Variants in OLFM2 observed in about 807,000 individuals in gnomAD.
The protein encoded by OLFM2 is noelin-2.
Under a neutral mutation model 43.9 loss-of-function variants are expected in OLFM2, and 20 were observed. That is an observed-to-expected ratio of 0.46 (90% CI 0.32 to 0.66). The LOEUF is 0.66. OLFM2 is among the 30% of genes least tolerant of loss of function. The pLI, the probability that OLFM2 is intolerant of heterozygous loss-of-function variation, is 0.04. For missense variants in OLFM2, 416 were observed against 643.6 expected (o/e 0.65, Z 3.83); for synonymous variants, 268 against 278.6 (o/e 0.96, Z 0.38).
chr19:9,858,758 C>CT (rs2046343913), intron 2 of OLFM2, among the ~76,000 whole-genome samples: 1 of 152,136 alleles, frequency 6.6e-6, no homozygotes, highest in Non-Finnish European at 1.5e-5. Context: ...TCCCATCTGA[C>CT]TAAGGTGAAC....
At chr19:9,893,574 G>T (rs1392501850) in intron 1 of OLFM2, among the ~76,000 whole-genome samples, 1 of 152,104 alleles carries the variant, frequency 6.6e-6, no homozygotes, top group East Asian at 1.9e-4. Flanking sequence ...TCAGTACCTG[G>T]GTACACCCTG....
intron 1 of OLFM2, among the ~76,000 whole-genome samples, chr19:9,907,726 G>A (rs1315795579): frequency 6.6e-6 from 1 of 151,934 alleles, no homozygotes; most frequent in African/African-American, 2.4e-5. Context: ...GATATAGGCC[G>A]GGCATGGTGG....
intron 2 of OLFM2, among the ~76,000 whole-genome samples, chr19:9,860,310 T>G (rs2046357177): frequency 1.3e-5 from 2 of 151,844 alleles, no homozygotes; most frequent in Admixed American, 1.3e-4. Flanking sequence ...AGACCCCGTC[T>G]CCACAAAAAA....
At chr19:9,871,573 CAAAA>C (rs34941045) in intron 1 of OLFM2, among the ~76,000 whole-genome samples, 30 of 121,466 alleles carry the variant, frequency 2.5e-4, no homozygotes, top group Middle Eastern at 4.3e-3. Context: ...ACTCTGCTCT[CAAAA>C]AAAAAAAAAA....
chr19:9,930,615 C>T (rs956332917), intron 1 of OLFM2, among the ~76,000 whole-genome samples: 11 of 151,532 alleles, frequency 7.3e-5, no homozygotes, highest in Non-Finnish European at 1.5e-5. Flanking sequence ...GAGGCCAAGG[C>T]GGGCAGATCA....
intron 1 of OLFM2, among the ~76,000 whole-genome samples, chr19:9,924,137 G>A (rs1393493609): frequency 7.8e-5 from 11 of 140,760 alleles, no homozygotes; most frequent in Admixed American, 2.9e-4. Context: ...AAGCCCGGGC[G>A]CAGTGGCTCA....
intron 1 of OLFM2, among the ~76,000 whole-genome samples, chr19:9,896,242 A>G (rs935635680): frequency 4.6e-5 from 7 of 150,650 alleles, no homozygotes; most frequent in African/African-American, 1.7e-4. Context: ...CTGGGACTAC[A>G]GGCGCCCGCC....
intron 1 of OLFM2, among the ~76,000 whole-genome samples, chr19:9,895,582 T>C (rs1218508173): frequency 6.6e-6 from 1 of 152,112 alleles, no homozygotes; most frequent in African/African-American, 2.4e-5. Flanking sequence ...ATCTACCTTT[T>C]TTCTTGCTAG....
chr19:9,910,763 G>T (rs1416487390), intron 1 of OLFM2, among the ~76,000 whole-genome samples: 1 of 152,130 alleles, frequency 6.6e-6, no homozygotes, highest in Non-Finnish European at 1.5e-5. Flanking sequence ...AGAGACAAAT[G>T]ATGCATCATG....
intron 1 of OLFM2, among the ~76,000 whole-genome samples, chr19:9,896,220 C>T (rs549206205): frequency 4.1e-4 from 61 of 150,582 alleles, no homozygotes; most frequent in Admixed American, 1.4e-3. Flanking sequence ...CCTGCCTCAG[C>T]CTCCCGAGTA....
At position 9,860,708 on chromosome 19, in the gene OLFM2, G is replaced by A. The variant is rs1323275897; in HGVS notation, c.150C>T (p.Ile50=). The part of the protein sequence containing the change: ...PDGKCICTAV[I]PAQSTCSRDG... ...CTCGAGAGCAGGTACTCTGCGCTGG[G>A]ATCACGGCCGTGCAGATGCATTTCC... is the stretch of plus-strand genomic sequence containing the variant. Residue 50 remains isoleucine, a synonymous_variant, in exon 2 of 6, where the codon ATC becomes ATT. Coordinates refer to ENST00000264833, the MANE Select transcript of OLFM2 (RefSeq NM_058164.4). 1 of 1,605,956 alleles carries A rather than the reference G, an allele frequency of 6.2e-7. No homozygotes were observed. The highest frequency in any genetic ancestry group is 8.5e-7 in the Non-Finnish European group (1 of 1,176,360).
At chr19:9,879,367 G>A (rs1355016520) in intron 1 of OLFM2, among the ~76,000 whole-genome samples, 1 of 150,902 alleles carries the variant, frequency 6.6e-6, no homozygotes, top group Non-Finnish European at 1.5e-5. Flanking sequence ...CCCAATCTCA[G>A]GTGATCTGCC....
intron 1 of OLFM2, among the ~76,000 whole-genome samples, chr19:9,919,340 A>T (rs1018538023): frequency 2.0e-5 from 3 of 151,524 alleles, no homozygotes; most frequent in Non-Finnish European, 2.9e-5. Context: ...AGAATTTTTT[A>T]TATTTTTAGT....
intron 1 of OLFM2, among the ~76,000 whole-genome samples, chr19:9,927,325 C>G (rs368037961): frequency 2.0e-5 from 3 of 151,958 alleles, no homozygotes; most frequent in Non-Finnish European, 2.9e-5. Flanking sequence ...ATTCTAAAAT[C>G]CTTAACCCAG....
intron 1 of OLFM2, among the ~76,000 whole-genome samples, chr19:9,889,347 C>T (rs1599482780): frequency 6.6e-6 from 1 of 152,192 alleles, no homozygotes; most frequent in East Asian, 1.9e-4. Flanking sequence ...CTCCCAGGCT[C>T]AAGCAATCCT....
intron 1 of OLFM2, among the ~76,000 whole-genome samples, chr19:9,914,784 C>T (rs1474823015): frequency 2.0e-5 from 3 of 152,020 alleles, no homozygotes; most frequent in African/African-American, 7.2e-5. Flanking sequence ...GAGCGCCGGG[C>T]TAGTTTTAAT....
chr19:9,857,211 G>A lies in OLFM2; in HGVS notation c.580+52C>T, dbSNP rs974738297. 3.5e-5 allele frequency: 53 copies of A among 1,521,402 alleles called. No individual in the cohort carries two copies. The highest frequency in any genetic ancestry group is 1.7e-5 in the Admixed American group (1 of 59,826). The allele number at this position is 1,521,402 out of a possible 1,614,324, so 94.2% of individuals were successfully genotyped here. A position where few individuals can be genotyped will look rare whatever the true frequency, so the allele number is the denominator to read the frequency against. ...CTAGGCACAAACAGGTGATACTGGA[G>A]TTGGGTGTGGCAGTCAGAGATCAGG... On this transcript the variant is annotated intron_variant, in intron 4 of 5. Transcript: ENST00000264833. The surrounding 1 kb of genome is among the most constrained non-coding windows in gnomAD (Gnocchi z 5.7).
Position 9,863,489 on chromosome 19 carries a change from G to A in OLFM2, c.64-2695C>T, listed in dbSNP as rs543762887. 6.6e-5 allele frequency among the ~76,000 whole-genome samples: 10 copies of A among 152,062 alleles called. No individual in the cohort carries two copies. In the East Asian group the frequency reaches 7.7e-4, roughly 12 times the overall value. On this transcript the variant is annotated intron_variant, in intron 1 of 5. Coordinates refer to ENST00000264833, the MANE Select transcript of OLFM2 (RefSeq NM_058164.4). ...GATGATGGGTGGTGGCCATAGAGGC[G>A]GTAAATGGAAGATTCTGGTCCTATT...
At chr19:9,902,768 C>T (rs1027353088) in intron 1 of OLFM2, among the ~76,000 whole-genome samples, 6 of 152,046 alleles carry the variant, frequency 3.9e-5, no homozygotes, top group Non-Finnish European at 2.9e-5. Flanking sequence ...AGTGCTGGTG[C>T]GATCATAGCT....
Sources: gnomAD v4.1 joint callset for allele counts (sites outside exome capture counted in the v4.1 genomes callset) on GRCh38, gnomAD v4.1.1 for gene constraint, Gnocchi (gnomAD v3.1) non-coding constraint, MANE v1.5 for transcripts, NCBI Gene and HGNC (gene_info 2026-07-23, HGNC 2026-07-21) for gene names.